LDAH: variants seen among roughly 807,000 people sequenced by gnomAD.
LDAH encodes lipid droplet-associated hydrolase.
Under a neutral mutation model 29.6 loss-of-function variants are expected in LDAH, and 26 were observed. The observed-to-expected ratio is 0.88, with a 90% CI of 0.64 to 1.22. The LOEUF (loss-of-function observed/expected upper bound fraction) is 1.22. Ranked by LOEUF, LDAH falls within the 50% of genes most tolerant of loss-of-function variation. The probability of loss-of-function intolerance (pLI) is 0.00; values close to 1 mark genes in which losing one functional copy is unlikely to be tolerated. For missense variants in LDAH, 344 were observed against 387.3 expected (o/e 0.89, Z 0.94); for synonymous variants, 117 against 133.0 (o/e 0.88, Z 0.83).
At chr2:20,768,584 G>C (rs563542558) in intron 4 of LDAH, among the ~76,000 whole-genome samples, 1 of 152,136 alleles carries the variant, frequency 6.6e-6, no homozygotes, top group Admixed American at 6.5e-5. Flanking sequence ...GATCCAGGCC[G>C]GCAGCATGAG....
intron 2 of LDAH, among the ~76,000 whole-genome samples, chr2:20,795,606 A>T (rs1671252684): frequency 6.6e-6 from 1 of 152,196 alleles, no homozygotes; most frequent in Non-Finnish European, 1.5e-5. Flanking sequence ...AGAAAAAATG[A>T]AACTAAATTA....
In LDAH at chr2:20,747,077, T is replaced by A. The variant is rs979834721; in HGVS notation, c.469-6872A>T. Among the ~76,000 whole-genome samples, 9 of 152,216 alleles carry A rather than the reference T, an allele frequency of 5.9e-5. 1 individual carries two copies. The highest frequency in any genetic ancestry group is 2.2e-4 in the African/African-American group (9 of 41,554). On this transcript the variant is annotated intron_variant, in intron 4 of 6. Coordinates refer to ENST00000237822, the MANE Select transcript of LDAH (RefSeq NM_021925.4). ...AGGAGCTAAGAAACAATTTGAGGTA[T>A]GGCCACAAGGTAAGAAGTATGGTGC... is the stretch of plus-strand genomic sequence containing the variant.
At chr2:20,794,500 A>C (rs1364504009) in intron 2 of LDAH, among the ~76,000 whole-genome samples, 1 of 152,222 alleles carries the variant, frequency 6.6e-6, no homozygotes, top group African/African-American at 2.4e-5. Context: ...AATTCTAAAC[A>C]AAATTTTAGC....
At chr2:20,760,179 G>T (rs892729673) in intron 4 of LDAH, among the ~76,000 whole-genome samples, 2 of 152,104 alleles carry the variant, frequency 1.3e-5, no homozygotes, top group Non-Finnish European at 2.9e-5. Flanking sequence ...TAATTGAGTG[G>T]AGTAGGAAGA....
intron 4 of LDAH, among the ~76,000 whole-genome samples, chr2:20,768,797 AT>A (rs934408141): frequency 1.3e-5 from 2 of 152,134 alleles, no homozygotes; most frequent in Non-Finnish European, 2.9e-5. Context: ...TCCCTGGGCA[AT>A]TTTATCCCTT....
Position 20,822,312 on chromosome 2 carries a change from T to G in LDAH, c.-3+725A>C, listed in dbSNP as rs539099360. On this transcript the variant is annotated intron_variant, in intron 1 of 6. Transcript: ENST00000237822. ...GCTAATTTATTTATTTATGTATTTA[T>G]TTTTGTATTTTTAGTAAAGATGGGG... Among the ~76,000 whole-genome samples the G allele has an allele frequency of 4.5e-3, 684 of 152,120 alleles. 7 individuals are homozygous for G. The highest frequency in any genetic ancestry group is 0.014 in the Middle Eastern group (4 of 294).
intron 3 of LDAH, among the ~76,000 whole-genome samples, chr2:20,789,638 A>G (rs766439157): frequency 2.6e-5 from 4 of 152,136 alleles, no homozygotes; most frequent in Non-Finnish European, 4.4e-5. Context: ...CTTTAAAGTA[A>G]AGAACATGGT....
chr2:20,683,730 GA>G (rs1281238571), downstream of LDAH, among the ~76,000 whole-genome samples: 1 of 152,090 alleles, frequency 6.6e-6, no homozygotes, highest in African/African-American at 2.4e-5. Flanking sequence ...ACACTAAAGA[GA>G]AGAGAAATGA....
At chr2:20,688,947 G>A (rs572546302) in intron 6 of LDAH, among the ~76,000 whole-genome samples, 20 of 148,236 alleles carry the variant, frequency 1.3e-4, no homozygotes, top group African/African-American at 3.0e-4. Flanking sequence ...CCATCAACCC[G>A]TCATCTACAT....
chr2:20,741,790 C>T (rs115000235), intron 4 of LDAH, among the ~76,000 whole-genome samples: 1 of 151,966 alleles, frequency 6.6e-6, no homozygotes, highest in Non-Finnish European at 1.5e-5. Flanking sequence ...TACATTGTTG[C>T]AAATGACAAA....
intron 1 of LDAH, among the ~76,000 whole-genome samples, chr2:20,820,564 G>A (rs1200396027): frequency 6.6e-6 from 1 of 152,074 alleles, no homozygotes; most frequent in Admixed American, 6.6e-5. Context: ...CTAGCCATAT[G>A]TAGAAAGCTG....
At chr2:20,789,283 A>C in intron 3 of LDAH, 1 of 1,550,204 alleles carries the variant, frequency 6.5e-7, no homozygotes, top group Non-Finnish European at 8.7e-7. Flanking sequence ...AGAGCCCGCG[A>C]GAGTCCCAAG....
chr2:20,709,292 A>G (rs988336264), intron 5 of LDAH, among the ~76,000 whole-genome samples: 1 of 152,168 alleles, frequency 6.6e-6, no homozygotes, highest in African/African-American at 2.4e-5. Flanking sequence ...ATATCTCATT[A>G]TGTATATGCA....
chr2:20,822,993 C>G (rs1673445139), intron 1 of LDAH, 44 bp downstream of exon 1: 1 of 152,406 alleles, frequency 6.6e-6, no homozygotes, highest in South Asian at 2.1e-4. Context: ...CCCACCCGTC[C>G]TTCCTTTGGG....
rs1662448952 is a variant in LDAH, at chr2:20,684,819, C to T, written c.*2084G>A. ...CATGTGGTTGACTGGGACATACAGG[C>T]AGAGCTGCTTCTGGAAAATGGATTT... is the stretch of plus-strand genomic sequence containing the variant. On this transcript the variant is annotated 3_prime_UTR_variant, in exon 7 of 7. Coordinates refer to ENST00000237822, the MANE Select transcript of LDAH (RefSeq NM_021925.4). 8 of 1,521,470 alleles carry T rather than the reference C, an allele frequency of 5.3e-6. No homozygotes were observed. In the South Asian group the frequency reaches 1.0e-4, roughly 19 times the overall value. The allele number at this position is 1,521,470 out of a possible 1,614,324, so 94.2% of individuals were successfully genotyped here. A position where few individuals can be genotyped will look rare whatever the true frequency, so the allele number is the denominator to read the frequency against.
At chr2:20,765,754 C>T (rs1048837582) in intron 4 of LDAH, among the ~76,000 whole-genome samples, 1 of 152,134 alleles carries the variant, frequency 6.6e-6, no homozygotes, top group Non-Finnish European at 1.5e-5. Flanking sequence ...TTCTCTCAGC[C>T]TCGTGGTCTC....
intron 1 of LDAH, among the ~76,000 whole-genome samples, chr2:20,819,847 T>C (rs1426149433): frequency 1.3e-5 from 2 of 152,214 alleles, no homozygotes; most frequent in Admixed American, 6.5e-5. Flanking sequence ...GATGACATGA[T>C]TGTATATTCA....
chr2:20,730,666 G>A (rs190809633), intron 5 of LDAH, among the ~76,000 whole-genome samples: 89 of 152,186 alleles, frequency 5.8e-4, no homozygotes, highest in Admixed American at 1.5e-3. Flanking sequence ...TTTTTATAAG[G>A]TGTAAGGTTT....
At chr2:20,727,569 A>C (rs1023099864) in intron 5 of LDAH, among the ~76,000 whole-genome samples, 2 of 152,234 alleles carry the variant, frequency 1.3e-5, no homozygotes, top group Non-Finnish European at 2.9e-5. Flanking sequence ...GGTAACTGAA[A>C]GGAAATAAAA....
Sources: allele counts gnomAD v4.1 joint callset (sites outside exome capture counted in the v4.1 genomes callset), GRCh38; gene constraint gnomAD v4.1.1; transcripts MANE v1.5; gene names NCBI Gene and HGNC (gene_info 2026-07-23, HGNC 2026-07-21).